Variants in MACROD1 observed in about 807,000 individuals in gnomAD.
MACROD1 encodes ADP-ribose glycohydrolase MACROD1.
Under a neutral mutation model 41.4 loss-of-function variants are expected in MACROD1, and 31 were observed. The ratio of observed to expected loss-of-function variants is 0.75; its 90% CI spans 0.56 to 1.01. The LOEUF (loss-of-function observed/expected upper bound fraction) is 1.01, where lower values mean the gene tolerates loss of function less well. Ranked by LOEUF, MACROD1 falls within the 50% of genes least tolerant of loss-of-function variation. The probability of loss-of-function intolerance (pLI) is 0.00; values close to 1 mark genes in which losing one functional copy is unlikely to be tolerated. For synonymous variants in MACROD1, 252 were observed against 203.4 expected (o/e 1.24, Z -2.03); for missense variants, 473 against 460.0 (o/e 1.03, Z -0.26).
intron 3 of MACROD1, among the ~76,000 whole-genome samples, chr11:64,111,680 G>A (rs575045306): frequency 6.6e-6 from 1 of 152,300 alleles, no homozygotes; most frequent in East Asian, 1.9e-4. Flanking sequence ...TCTGGCCAGA[G>A]AGGTCACCCC....
At position 64,007,142 on chromosome 11, in the gene MACROD1, G is replaced by A. The variant is rs148407055; in HGVS notation, c.548-6799C>T. On this transcript the variant is annotated intron_variant, in intron 4 of 10. Coordinates refer to ENST00000255681, the MANE Select transcript of MACROD1 (RefSeq NM_014067.4). ...CTCTCAGATGAATTCACTGCCTCCC[G>A]CGCCCCTCCTACTGGTTCCAAACTC... Among the ~76,000 whole-genome samples the A allele has an allele frequency of 7.2e-5, 11 of 152,336 alleles. 1 individual carries two copies. In the East Asian group the frequency reaches 1.9e-3, roughly 27 times the overall value.
chr11:64,014,677 C>A (rs1220392075), intron 4 of MACROD1, among the ~76,000 whole-genome samples: 1 of 152,204 alleles, frequency 6.6e-6, no homozygotes, highest in African/African-American at 2.4e-5. Flanking sequence ...GGGACACGCC[C>A]GCTTGGTATC....
chr11:64,129,340 T>C (rs1565250883), intron 3 of MACROD1, among the ~76,000 whole-genome samples: 1 of 152,196 alleles, frequency 6.6e-6, no homozygotes, highest in Non-Finnish European at 1.5e-5. Context: ...AACAGCTCCA[T>C]CCCCGACTGC....
chr11:64,087,561 G>A (rs188183026), intron 3 of MACROD1, among the ~76,000 whole-genome samples: 3 of 152,338 alleles, frequency 2.0e-5, no homozygotes, highest in East Asian at 1.9e-4. Context: ...AGAAATGGGC[G>A]CAGCTGGTAC....
intron 3 of MACROD1, 142 bp from the exon 4 acceptor site, chr11:64,015,423 CG>C: frequency 1.5e-6 from 1 of 669,794 alleles, no homozygotes; most frequent in Non-Finnish European, 2.5e-6. Flanking sequence ...CCCAGTCCTC[CG>C]GGGCGGTAGT....
At chr11:64,109,660 A>C (rs1273028876) in intron 3 of MACROD1, among the ~76,000 whole-genome samples, 1 of 152,094 alleles carries the variant, frequency 6.6e-6, no homozygotes, top group Non-Finnish European at 1.5e-5. Flanking sequence ...CCCTGCCCCC[A>C]GCCTGGAGGG....
chr11:64,085,502 G>C (rs566407733), intron 3 of MACROD1, among the ~76,000 whole-genome samples: 1 of 152,348 alleles, frequency 6.6e-6, no homozygotes, highest in South Asian at 2.1e-4. Context: ...AGCTGGCTGG[G>C]ATTGTCCACC....
chr11:64,040,031 C>A (rs183049753), intron 3 of MACROD1, among the ~76,000 whole-genome samples: 1 of 152,380 alleles, frequency 6.6e-6, no homozygotes, highest in Non-Finnish European at 1.5e-5. Context: ...CCTGCTCATT[C>A]ATTCATTCAT....
chr11:64,158,764 T>G (rs943678919), intron 1 of MACROD1, among the ~76,000 whole-genome samples: 2 of 152,188 alleles, frequency 1.3e-5, no homozygotes, highest in African/African-American at 4.8e-5. Flanking sequence ...CAGCGCCAGA[T>G]ACCGACAAGG....
At chr11:64,054,556 G>A (rs1943749720) in intron 3 of MACROD1, among the ~76,000 whole-genome samples, 1 of 152,148 alleles carries the variant, frequency 6.6e-6, no homozygotes, top group Non-Finnish European at 1.5e-5. Flanking sequence ...CAGAGTGGCA[G>A]CCAGCCAGCA....
intron 2 of MACROD1, 85 bp downstream of exon 2, chr11:64,152,207 T>A (rs993788274): frequency 2.8e-6 from 3 of 1,088,718 alleles, no homozygotes; most frequent in African/African-American, 3.1e-5. Context: ...TACATGCCAC[T>A]GGACTAGCTC....
At chr11:64,128,365 AGGGCCTGCTATGCTCTG>A (rs1051890759) in intron 3 of MACROD1, among the ~76,000 whole-genome samples, 3 of 152,164 alleles carry the variant, frequency 2.0e-5, no homozygotes, top group African/African-American at 7.2e-5. Context: ...ATATTGACTG[AGGGCCTGCTATGCTCTG>A]GGGCTGGTGT....
At chr11:64,121,409 C>A (rs1945096573) in intron 3 of MACROD1, among the ~76,000 whole-genome samples, 1 of 152,230 alleles carries the variant, frequency 6.6e-6, no homozygotes, top group Admixed American at 6.5e-5. Flanking sequence ...GCCCTGGGAC[C>A]CAGCTCTAGA....
intron 1 of MACROD1, among the ~76,000 whole-genome samples, chr11:64,158,582 C>T (rs547201606): frequency 1.6e-4 from 24 of 152,078 alleles, no homozygotes; most frequent in African/African-American, 5.6e-4. Context: ...AACCTCCAAG[C>T]AGGTGCCATT....
intron 3 of MACROD1, among the ~76,000 whole-genome samples, chr11:64,145,506 T>C (rs1357560974): frequency 6.6e-6 from 1 of 152,080 alleles, no homozygotes; most frequent in Non-Finnish European, 1.5e-5. Flanking sequence ...TCCTCACCCC[T>C]GCCCTTCGGT....
At chr11:64,145,770 T>C (rs1207121062) in intron 3 of MACROD1, among the ~76,000 whole-genome samples, 2 of 152,140 alleles carry the variant, frequency 1.3e-5, no homozygotes, top group Admixed American at 1.3e-4. Flanking sequence ...TGGGGATTTT[T>C]CTTTTTTTTT....
At chr11:64,009,412 C>T (rs781070367) in intron 4 of MACROD1, among the ~76,000 whole-genome samples, 17 of 152,102 alleles carry the variant, frequency 1.1e-4, no homozygotes, top group Non-Finnish European at 2.4e-4. Context: ...GCCCGTCCAT[C>T]CTGCTCTACC....
chr11:64,069,265 C>T (rs765995525), intron 3 of MACROD1, among the ~76,000 whole-genome samples: 4 of 152,236 alleles, frequency 2.6e-5, no homozygotes, highest in Non-Finnish European at 5.9e-5. Context: ...ACACCGGAGA[C>T]AGCTCTGAAC....
chr11:64,101,990 C>T (rs913415618), intron 3 of MACROD1, among the ~76,000 whole-genome samples: 1 of 152,178 alleles, frequency 6.6e-6, no homozygotes, highest in African/African-American at 2.4e-5. Context: ...GGGCAGCCAC[C>T]CCCCATCTGG....
Sources: gnomAD v4.1 joint callset for allele counts (sites outside exome capture counted in the v4.1 genomes callset) on GRCh38, gnomAD v4.1.1 for gene constraint, MANE v1.5 for transcripts, NCBI Gene and HGNC (gene_info 2026-07-23, HGNC 2026-07-21) for gene names.